The following RSBN1L variants were observed in gnomAD, a reference collection of about 807,000 sequenced individuals.
RSBN1L encodes the protein round spermatid basic protein 1 like, also known as lysine-specific demethylase RSBN1L.
RSBN1L carries 30 observed loss-of-function variants against 67.7 expected under a neutral mutation model. That is an observed-to-expected ratio of 0.44 (90% CI 0.33 to 0.60). RSBN1L has a LOEUF of 0.60. RSBN1L is among the 20% of genes least tolerant of loss of function. RSBN1L has a pLI of 0.02. For synonymous variants in RSBN1L, 433 were observed against 387.0 expected, an observed-to-expected ratio of 1.12 and a Z score of -1.39; for missense variants, 992 against 1,031.7, an observed-to-expected ratio of 0.96 and a Z score of 0.53.
chr7:77,769,594 G>C (rs2150433044), intron 5 of RSBN1L, among the ~76,000 whole-genome samples: 1 of 152,304 alleles, frequency 6.6e-6, no homozygotes, highest in East Asian at 1.9e-4. Flanking sequence ...AGTGGCAATA[G>C]TATTTGGGGG....
In RSBN1L at chr7:77,697,595, C is replaced by T. The variant is rs532705256; in HGVS notation, c.586+540C>T. On this transcript the variant is annotated intron_variant, in intron 1 of 7. Transcript: ENST00000334955. ...GGGAAATGAGGTAGCGTGCAGGGCC[C>T]GAAGTGCGCTGTTTCGTAAGGTACC... 5.9e-5 allele frequency among the ~76,000 whole-genome samples: 9 copies of T among 152,176 alleles called. No homozygotes were observed. In the East Asian group the frequency reaches 9.7e-4, roughly 16 times the overall value.
At chr7:77,773,670 G>A (rs1791876056) in intron 6 of RSBN1L, among the ~76,000 whole-genome samples, 1 of 152,186 alleles carries the variant, frequency 6.6e-6, no homozygotes, top group South Asian at 2.1e-4. Flanking sequence ...GCCTGAGGCA[G>A]GAGAATTGCT....
intron 2 of RSBN1L, among the ~76,000 whole-genome samples, chr7:77,747,689 G>C (rs555021783): frequency 1.2e-4 from 19 of 152,330 alleles, no homozygotes; most frequent in African/African-American, 4.3e-4. Flanking sequence ...AAGGAATGGA[G>C]CTCTCATGGA....
chr7:77,749,003 C>A (rs1330178989), intron 2 of RSBN1L, among the ~76,000 whole-genome samples: 2 of 152,042 alleles, frequency 1.3e-5, no homozygotes, highest in Non-Finnish European at 2.9e-5. Context: ...CGCCTGTAAT[C>A]CCAGCACTTC....
rs1791949710 is a variant in RSBN1L, at chr7:77,778,595, G to T, written c.1968G>T (p.Arg656Ser). The change falls in exon 8 of 8, where the codon AGG becomes AGT. Residue 656 changes from arginine (R) to serine (S), a missense_variant. Coordinates refer to ENST00000334955, the MANE Select transcript of RSBN1L (RefSeq NM_198467.3). ...GGAGGGAAGGCATTCGCTATGCCAG[G>T]ATTCAGCTATATGATAATGACATTT... ...QLRREGIRYA[R>S]IQLYDNDIYF... 5.0e-6 allele frequency: 8 copies of T among 1,613,912 alleles called. No individual in the cohort carries two copies. Among genetic ancestry groups the T allele is most frequent in the Non-Finnish European group, 6.8e-6 (8 of 1,179,942 alleles).
intron 1 of RSBN1L, among the ~76,000 whole-genome samples, chr7:77,728,837 C>T (rs1026135563): frequency 6.6e-6 from 1 of 152,032 alleles, no homozygotes; most frequent in African/African-American, 2.4e-5. Flanking sequence ...TTTCTCTTAC[C>T]ATCTGTTTGG....
At chr7:77,776,835 T>G (rs1019969121) in intron 6 of RSBN1L, among the ~76,000 whole-genome samples, 1 of 152,044 alleles carries the variant, frequency 6.6e-6, no homozygotes, top group East Asian at 1.9e-4. Flanking sequence ...TATAGTTGGG[T>G]CTTACCTTTT....
At chr7:77,762,591 C>G (rs745919593) in intron 3 of RSBN1L, among the ~76,000 whole-genome samples, 27 of 152,096 alleles carry the variant, frequency 1.8e-4, no homozygotes, top group Non-Finnish European at 3.5e-4. Context: ...ATAGCAACAT[C>G]TGGTCAAAGC....
At position 77,779,831 on chromosome 7, in the gene RSBN1L, CTTTT is replaced by C. The variant is rs919511692; in HGVS notation, c.*667_*670del. On this transcript the variant is annotated 3_prime_UTR_variant, in exon 8 of 8. Transcript: ENST00000334955. ...ACTGTGCAGGCTTTTTTTTTTTTTT[CTTTT>C]TTTCTTTTTTTTGATACGGAGTTTC... 1 of 113,790 alleles carries C rather than the reference CTTTT, an allele frequency of 8.8e-6. No homozygotes were observed. The highest frequency in any genetic ancestry group is 3.3e-5 in the African/African-American group (1 of 30,408). The allele number at this position is 113,790 out of a possible 1,614,324, so 7.0% of individuals were successfully genotyped here.
intron 6 of RSBN1L, among the ~76,000 whole-genome samples, chr7:77,775,451 C>G (rs935920928): frequency 6.6e-5 from 10 of 152,082 alleles, no homozygotes; most frequent in African/African-American, 2.4e-4. Context: ...ATTGCTTGAA[C>G]CTGGGAGGTG....
At position 77,749,737 on chromosome 7, in the gene RSBN1L, GTTGGACACT is replaced by G; in HGVS notation, c.1023_1031del (p.Asp341_Leu343del). Reference sequence around the variant, plus strand: ...CACGAGTTCAGAATAACCTCAAAAGGTTGGACACTTTGGAATTTAAACAACTCATTCATA... The same window carrying G: ...CACGAGTTCAGAATAACCTCAAAAGGTTGGAATTTAAACAACTCATTCATA... On this transcript the variant is annotated inframe_deletion, in exon 3 of 8. Coordinates refer to ENST00000334955, the MANE Select transcript of RSBN1L (RefSeq NM_198467.3). The G allele has an allele frequency of 1.2e-6, 2 of 1,614,110 alleles. No individual in the cohort carries two copies. Among genetic ancestry groups the G allele is most frequent in the Non-Finnish European group, 1.7e-6 (2 of 1,179,990 alleles).
intron 3 of RSBN1L, among the ~76,000 whole-genome samples, chr7:77,751,279 A>G (rs758924691): frequency 1.7e-4 from 25 of 144,486 alleles, no homozygotes; most frequent in Non-Finnish European, 2.1e-4. Flanking sequence ...AGCTGGAATT[A>G]CAGACATGCA....
At chr7:77,773,412 T>G in intron 6 of RSBN1L, 98 bp downstream of exon 6, 4 of 844,178 alleles carry the variant, frequency 4.7e-6, no homozygotes, top group Non-Finnish European at 6.9e-6. Context: ...GGGAAAAAAG[T>G]TTCATTTTTT....
chr7:77,768,385 G>A (rs1394877951), intron 4 of RSBN1L: 6 of 284,412 alleles, frequency 2.1e-5, no homozygotes, highest in Non-Finnish European at 4.0e-5. Flanking sequence ...ATGGTAGAAG[G>A]AAGAATAACA....
chr7:77,731,437 T>C (rs1256000010), intron 1 of RSBN1L, among the ~76,000 whole-genome samples: 1 of 152,162 alleles, frequency 6.6e-6, no homozygotes, highest in Non-Finnish European at 1.5e-5. Flanking sequence ...GGTTTCATCA[T>C]GTTGCCCAGG....
intron 3 of RSBN1L, among the ~76,000 whole-genome samples, chr7:77,756,482 T>C (rs1243655900): frequency 6.6e-6 from 1 of 151,990 alleles, no homozygotes; most frequent in Non-Finnish European, 1.5e-5. Flanking sequence ...TTAGCAGCAT[T>C]AAAGACATTT....
chr7:77,727,978 ATTCTC>A (rs749184903), intron 1 of RSBN1L, among the ~76,000 whole-genome samples: 41 of 151,992 alleles, frequency 2.7e-4, no homozygotes, highest in Non-Finnish European at 5.3e-4. Flanking sequence ...TTTTCTCTCT[ATTCTC>A]TGTGTTCTGT....
chr7:77,742,219 G>A (rs1300833049), intron 2 of RSBN1L, among the ~76,000 whole-genome samples: 3 of 81,674 alleles, frequency 3.7e-5, no homozygotes, highest in African/African-American at 1.0e-4. Flanking sequence ...ACACACACAC[G>A]GCAAGAATCC....
intron 2 of RSBN1L, among the ~76,000 whole-genome samples, chr7:77,746,750 A>G (rs373599655): frequency 1.3e-5 from 2 of 152,220 alleles, no homozygotes; most frequent in African/African-American, 2.4e-5. Context: ...GGGGGTGGGT[A>G]TAGGCATTGA....
Sources: allele counts gnomAD v4.1 joint callset (sites outside exome capture counted in the v4.1 genomes callset), GRCh38; gene constraint gnomAD v4.1.1; transcripts MANE v1.5; gene names NCBI Gene and HGNC (gene_info 2026-07-23, HGNC 2026-07-21).